Variants in PPDPFL observed in about 807,000 individuals in gnomAD.
PPDPFL encodes the protein pancreatic progenitor cell differentiation and proliferation factor-like protein.
In PPDPFL, 12 loss-of-function variants were observed where a neutral mutation model predicts 12.6. The ratio of observed to expected loss-of-function variants is 0.95; its 90% confidence interval spans 0.61 to 1.54. The LOEUF (loss-of-function observed/expected upper bound fraction) is 1.54. PPDPFL is among the 40% of genes most tolerant of loss of function. The probability of loss-of-function intolerance (pLI) is 0.00; values close to 1 mark genes in which losing one functional copy is unlikely to be tolerated. For synonymous variants in PPDPFL, 24 were observed against 32.7 expected (o/e 0.73, Z 0.91); for missense variants, 114 against 96.0 (o/e 1.19, Z -0.78).
intron 1 of PPDPFL, among the ~76,000 whole-genome samples, chr8:49,063,787 A>T (rs1443261052): frequency 6.6e-6 from 1 of 152,098 alleles, no homozygotes; most frequent in Non-Finnish European, 1.5e-5. Flanking sequence ...CCCTACAAAA[A>T]CCAGCTGGAT....
intron 1 of PPDPFL, among the ~76,000 whole-genome samples, chr8:49,056,149 A>G (rs1196645296): frequency 2.0e-5 from 3 of 152,180 alleles, no homozygotes; most frequent in Non-Finnish European, 2.9e-5. Flanking sequence ...TGCCTCTACA[A>G]GTAGGAGTTG....
intron 4 of PPDPFL, 110 bp downstream of exon 4, chr8:49,074,443 A>G (rs563492382): frequency 6.4e-7 from 1 of 1,552,686 alleles, no homozygotes; most frequent in South Asian, 1.2e-5. Flanking sequence ...TCTTGAGAGC[A>G]GTGAGCCTTG....
intron 1 of PPDPFL, among the ~76,000 whole-genome samples, chr8:49,054,625 G>C (rs1052994194): frequency 6.6e-6 from 1 of 151,960 alleles, no homozygotes; most frequent in Non-Finnish European, 1.5e-5. Context: ...ATTGTTCAAG[G>C]GTGAACTATA....
At chr8:49,061,171 G>A (rs1167724369) in intron 1 of PPDPFL, among the ~76,000 whole-genome samples, 1 of 152,128 alleles carries the variant, frequency 6.6e-6, no homozygotes. Context: ...AGATGTTGAT[G>A]TCTTAACCTT....
At chr8:49,061,603 C>A in intron 1 of PPDPFL, among the ~76,000 whole-genome samples, 1 of 152,070 alleles carries the variant, frequency 6.6e-6, no homozygotes, top group East Asian at 1.9e-4. Context: ...GGGGAAACAG[C>A]AATTAGAGGG....
intron 1 of PPDPFL, among the ~76,000 whole-genome samples, chr8:49,057,021 TC>T (rs1420397303): frequency 6.6e-6 from 1 of 152,220 alleles, no homozygotes; most frequent in Non-Finnish European, 1.5e-5. Flanking sequence ...GGACTTGAAA[TC>T]ACTTGGTGAT....
At chr8:49,070,717 T>C (rs1024381995), upstream of PPDPFL, among the ~76,000 whole-genome samples, 9 of 152,200 alleles carry the variant, frequency 5.9e-5, no homozygotes, top group East Asian at 1.7e-3. Flanking sequence ...TAGATATTTA[T>C]TATTTGTTTA....
intron 1 of PPDPFL, among the ~76,000 whole-genome samples, chr8:49,061,780 G>C (rs1186890173): frequency 6.6e-6 from 1 of 152,176 alleles, no homozygotes; most frequent in Non-Finnish European, 1.5e-5. Flanking sequence ...GCTTAATTAT[G>C]AGAAGCTCAG....
At chr8:49,064,387 G>A (rs2129244458) in intron 1 of PPDPFL, among the ~76,000 whole-genome samples, 1 of 152,218 alleles carries the variant, frequency 6.6e-6, no homozygotes, top group East Asian at 1.9e-4. Flanking sequence ...CCTCTGCAGT[G>A]GCAGGAATTA....
At chr8:49,062,718 C>T (rs768307583) in intron 1 of PPDPFL, among the ~76,000 whole-genome samples, 1 of 152,178 alleles carries the variant, frequency 6.6e-6, no homozygotes, top group Non-Finnish European at 1.5e-5. Context: ...ACAGGATGCC[C>T]TGCACACAGG....
intron 1 of PPDPFL, among the ~76,000 whole-genome samples, chr8:49,058,374 G>T (rs1393076204): frequency 6.6e-5 from 10 of 152,146 alleles, no homozygotes; most frequent in Admixed American, 6.5e-4. Flanking sequence ...CTACTGGAGG[G>T]CACTCTGCTG....
intron 4 of PPDPFL, chr8:49,074,697 C>A (rs1195342339): frequency 1.4e-6 from 2 of 1,477,834 alleles, no homozygotes; most frequent in Non-Finnish European, 1.8e-6. Flanking sequence ...CTTAAATAAC[C>A]TTAGGATAAC....
At chr8:49,060,829 T>C (rs1283257073) in intron 1 of PPDPFL, among the ~76,000 whole-genome samples, 2 of 152,170 alleles carry the variant, frequency 1.3e-5, no homozygotes, top group Non-Finnish European at 2.9e-5. Flanking sequence ...AAAATAAACT[T>C]TTTTCCCTTA....
chr8:49,063,612 T>A (rs977852136), intron 1 of PPDPFL, among the ~76,000 whole-genome samples: 4 of 151,814 alleles, frequency 2.6e-5, no homozygotes, highest in African/African-American at 9.7e-5. Context: ...CCCCTACTTG[T>A]GAGGCTCAGG....
upstream of PPDPFL, among the ~76,000 whole-genome samples, chr8:49,070,930 G>A (rs1047105605): frequency 2.0e-5 from 3 of 152,064 alleles, no homozygotes; most frequent in Non-Finnish European, 2.9e-5. Flanking sequence ...TTTCCAGTAC[G>A]CAGTGGAACA....
chr8:49,067,568 T>C (rs938128886), upstream of PPDPFL, among the ~76,000 whole-genome samples: 7 of 152,238 alleles, frequency 4.6e-5, no homozygotes, highest in Non-Finnish European at 8.8e-5. Context: ...TTAGCAAGTT[T>C]AGTCATTGTT....
chr8:49,075,575 T>G lies in PPDPFL; in HGVS notation c.*402T>G, dbSNP rs1808483342. On this transcript the variant is annotated 3_prime_UTR_variant, in exon 5 of 5. Coordinates refer to ENST00000522267, the MANE Select transcript of PPDPFL (RefSeq NM_001256597.2). ...AGCTCTTTCATTTTTTATATCATTT[T>G]TATTAAAAAAACTTAAGTTAGACTC... 1 of 333,962 alleles carries G rather than the reference T, an allele frequency of 3.0e-6. No homozygotes were observed. The highest frequency in any genetic ancestry group is 5.5e-6 in the Non-Finnish European group (1 of 181,920). 20.7% of individuals were successfully genotyped at this position (333,962 alleles called of 1,614,324 possible).
At chr8:49,073,891 GC>G (rs1416665964) in intron 2 of PPDPFL, among the ~76,000 whole-genome samples, 167 bp from the exon 3 acceptor site, 1 of 152,118 alleles carries the variant, frequency 6.6e-6, no homozygotes. Context: ...TCTTAATATA[GC>G]AGCTTTCTAT....
chr8:49,074,216 A>T lies in PPDPFL; in HGVS notation c.134-18A>T. The stretch of plus-strand genomic sequence containing the variant: ...TCAAATTTGTTTGATAAGGAGTAAC[A>T]TGAATTTTATTTAATAGGGTTGCCT... On this transcript the variant is annotated intron_variant, in intron 3 of 4. Coordinates refer to ENST00000522267, the MANE Select transcript of PPDPFL (RefSeq NM_001256597.2). 1 of 1,611,784 alleles carries T rather than the reference A, an allele frequency of 6.2e-7. No individual in the cohort carries two copies. The highest frequency in any genetic ancestry group is 8.5e-7 in the Non-Finnish European group (1 of 1,177,926).
Sources: allele counts gnomAD v4.1 joint callset (sites outside exome capture counted in the v4.1 genomes callset), GRCh38; gene constraint gnomAD v4.1.1; transcripts MANE v1.5; gene names NCBI Gene and HGNC (gene_info 2026-07-23, HGNC 2026-07-21).